The following POLB variants were observed in gnomAD, a reference collection of about 807,000 sequenced individuals.
POLB encodes the protein 5'-dRP lyase.
Under a neutral mutation model 52.7 loss-of-function variants are expected in POLB, and 37 were observed. That is an observed-to-expected ratio of 0.70 (90% CI 0.54 to 0.92). The LOEUF (loss-of-function observed/expected upper bound fraction) is 0.92. Ranked by LOEUF, POLB falls within the 40% of genes least tolerant of loss-of-function variation. The pLI, the probability that POLB is intolerant of heterozygous loss-of-function variation, is 0.00. For synonymous variants in POLB, 138 were observed against 131.3 expected (o/e 1.05, Z -0.35); for missense variants, 313 against 400.8 (o/e 0.78, Z 1.87).
rs1430465062 is a variant in POLB at position 42,349,860 on chromosome 8, G to C, written c.262-147G>C. ...TCTGTTATTCACCTATTACTCCTTA[G>C]GTTACTTGTGAATAATTTTGTGTGG... On this transcript the variant is annotated intron_variant, in intron 4 of 13. Transcript: ENST00000265421. 9.4e-6 allele frequency: 6 copies of C among 638,152 alleles called. No individual in the cohort carries two copies. The Admixed American group carries it at 1.5e-4, about 16-fold the overall frequency. 39.5% of individuals were successfully genotyped at this position (638,152 alleles called of 1,614,324 possible). A position where few individuals can be genotyped will look rare whatever the true frequency, so the allele number is the denominator to read the frequency against.
chr8:42,360,683 A>G (rs570714121), intron 9 of POLB, among the ~76,000 whole-genome samples: 48 of 152,234 alleles, frequency 3.2e-4, no homozygotes, highest in African/African-American at 1.1e-3. Context: ...GCCTGAAGCT[A>G]TGTGGTTGTA....
chr8:42,345,070 G>A (rs755659583), intron 3 of POLB, 51 bp downstream of exon 3: 2 of 1,322,254 alleles, frequency 1.5e-6, no homozygotes, highest in African/African-American at 1.5e-5. Context: ...TCCAAATTTG[G>A]TGGGTTCCCA....
At chr8:42,350,243 G>A (rs1822893964) in intron 5 of POLB, among the ~76,000 whole-genome samples, 178 bp downstream of exon 5, 1 of 152,102 alleles carries the variant, frequency 6.6e-6, no homozygotes, top group Admixed American at 6.6e-5. Context: ...TGTCTCTACT[G>A]TAAGGTCCCC....
rs2130774398 is a variant in POLB at position 42,342,413 on chromosome 8, C to G, written c.120-2540C>G. On this transcript the variant is annotated intron_variant, in intron 2 of 13. Coordinates refer to ENST00000265421, the MANE Select transcript of POLB (RefSeq NM_002690.3). ...AGTTCGTGTGCATATGCTGCGCAGA[C>G]TATCATATCCCCCTCTATACGGGCA... The G allele has an allele frequency of 2.8e-6, 4 of 1,433,964 alleles. No homozygotes were observed. In the East Asian group the frequency reaches 6.8e-5, roughly 24 times the overall value. 88.8% of individuals were successfully genotyped at this position (1,433,964 alleles called of 1,614,324 possible). A position where few individuals can be genotyped will look rare whatever the true frequency, so the allele number is the denominator to read the frequency against.
chr8:42,351,661 C>T (rs1273823995), intron 5 of POLB, among the ~76,000 whole-genome samples: 1 of 152,198 alleles, frequency 6.6e-6, no homozygotes, highest in African/African-American at 2.4e-5. Flanking sequence ...CTGTCCCCAT[C>T]CTATAAGAGC....
chr8:42,347,822 G>A (rs1213451170), intron 3 of POLB, among the ~76,000 whole-genome samples: 1 of 152,016 alleles, frequency 6.6e-6, no homozygotes, highest in Non-Finnish European at 1.5e-5. Flanking sequence ...GTAATTTGGG[G>A]ACATTTATTA....
At chr8:42,344,087 C>T (rs1822435557) in intron 2 of POLB, among the ~76,000 whole-genome samples, 1 of 147,824 alleles carries the variant, frequency 6.8e-6, no homozygotes, top group African/African-American at 2.5e-5. Context: ...GCTGAGATCA[C>T]GCCACTGCAC....
Position 42,338,577 on chromosome 8 carries a change from T to C in POLB, c.-48T>C, listed in dbSNP as rs779243575. On this transcript the variant is annotated 5_prime_UTR_variant, in exon 1 of 14. Coordinates refer to ENST00000265421, the MANE Select transcript of POLB (RefSeq NM_002690.3). ...TACCTCCTTCAAGCTGGGAGAGGGC[T>C]CTAGTCCCTGGTTCTGAACACTCTG... 7 of 1,551,070 alleles carry C rather than the reference T, an allele frequency of 4.5e-6. No homozygotes were observed. The East Asian group carries it at 1.3e-4, about 30-fold the overall frequency.
At position 42,360,992 on chromosome 8, in the gene POLB, G is replaced by A. The variant is rs558887170; in HGVS notation, c.551-303G>A. ...TATTTTAAAGCTATTTTAAAATATTGTTTTTATTCATTATTGAGTAGTTAC... is the reference window on the plus strand; with the variant it reads ...TATTTTAAAGCTATTTTAAAATATTATTTTTATTCATTATTGAGTAGTTAC... On this transcript the variant is annotated intron_variant, in intron 9 of 13. Transcript: ENST00000265421. The A allele has an allele frequency of 9.8e-4, 457 of 468,296 alleles. 2 individuals carry two copies. Among genetic ancestry groups the A allele is most frequent in the African/African-American group, 8.4e-3 (424 of 50,266 alleles). 29.0% of individuals were successfully genotyped at this position (468,296 alleles called of 1,614,324 possible). A position where few individuals can be genotyped will look rare whatever the true frequency, so the allele number is the denominator to read the frequency against.
At chr8:42,341,824 G>A (rs1452624220) in intron 2 of POLB, 3 of 546,590 alleles carry the variant, frequency 5.5e-6, no homozygotes, top group South Asian at 1.6e-5. Context: ...TTTGAGCTAT[G>A]CGATCTTTCT....
chr8:42,340,122 T>C (rs1334881664), intron 2 of POLB: 2 of 152,262 alleles, frequency 1.3e-5, no homozygotes, highest in Admixed American at 1.3e-4. Context: ...TCTGTGGCAT[T>C]CACCCCTGGC....
At chr8:42,356,595 C>G (rs1823330359) in intron 7 of POLB, among the ~76,000 whole-genome samples, 1 of 151,958 alleles carries the variant, frequency 6.6e-6, no homozygotes, top group Non-Finnish European at 1.5e-5. Context: ...GTCATTCCCC[C>G]ATTGCCTCCC....
At chr8:42,362,553 T>C in intron 10 of POLB, 59 bp from the exon 11 acceptor site, 2 of 1,024,672 alleles carry the variant, frequency 2.0e-6, no homozygotes, top group Non-Finnish European at 3.1e-6. Context: ...TTGTTAAATA[T>C]TTTCTTGCCA....
chr8:42,339,816 A>C (rs964526078), intron 2 of POLB: 10 of 150,520 alleles, frequency 6.6e-5, no homozygotes, highest in Non-Finnish European at 3.0e-5. Flanking sequence ...AATGGTCCAC[A>C]CACCTTGGTC....
In POLB at chr8:42,338,814, G is replaced by A. The variant is rs541673560; in HGVS notation, c.61+129G>A. The A allele has an allele frequency of 3.0e-4, 314 of 1,048,896 alleles. 1 individual carries two copies. Among genetic ancestry groups the A allele is most frequent in the Middle Eastern group, 2.7e-3 (13 of 4,868 alleles). 65.0% of individuals were successfully genotyped at this position (1,048,896 alleles called of 1,614,324 possible). The stretch of plus-strand genomic sequence containing the variant: ...CTTGCAGCGGGTCGTCTTCCGTGGG[G>A]ATCTCCCTCCGGCGCCCCTGGCTGG... On this transcript the variant is annotated intron_variant, in intron 1 of 13. Transcript: ENST00000265421.
At chr8:42,357,649 C>G in intron 9 of POLB, 1 of 363,586 alleles carries the variant, frequency 2.8e-6, no homozygotes, top group Non-Finnish European at 4.9e-6. Context: ...TATTGAAATG[C>G]TAGTAATGGT....
chr8:42,354,375 A>G (rs1173372633), intron 6 of POLB: 15 of 844,874 alleles, frequency 1.8e-5, no homozygotes, highest in Non-Finnish European at 6.9e-6. Context: ...GCTTGTAGGA[A>G]TTGCTTTTGA....
chr8:42,344,547 A>T (rs1822485883), intron 2 of POLB, among the ~76,000 whole-genome samples: 1 of 151,862 alleles, frequency 6.6e-6, no homozygotes, highest in Admixed American at 6.6e-5. Context: ...TGGAGGTAGA[A>T]AATTAGGCCA....
At chr8:42,366,036 G>C (rs1337389693) in intron 11 of POLB, among the ~76,000 whole-genome samples, 8 of 152,020 alleles carry the variant, frequency 5.3e-5, no homozygotes, top group Admixed American at 5.2e-4. Context: ...GAAGGCAGTG[G>C]TTGCAGTGAG....
Sources: allele counts gnomAD v4.1 joint callset (sites outside exome capture counted in the v4.1 genomes callset), GRCh38; gene constraint gnomAD v4.1.1; transcripts MANE v1.5; gene names NCBI Gene and HGNC (gene_info 2026-07-23, HGNC 2026-07-21).